RSPH3: variants seen among roughly 807,000 people sequenced by gnomAD.
RSPH3 encodes the protein radial spoke head protein 3 homolog.
Under a neutral mutation model 43.8 loss-of-function variants are expected in RSPH3, and 21 were observed. That is an observed-to-expected ratio of 0.48 (90% CI 0.34 to 0.69). RSPH3 has a LOEUF of 0.69. Among genes scored for constraint, RSPH3 ranks in the 30% least tolerant of loss-of-function variants. The pLI, the probability that RSPH3 is intolerant of heterozygous loss-of-function variation, is 0.01. For missense variants in RSPH3, 487 were observed against 516.0 expected (o/e 0.94, Z 0.54); for synonymous variants, 173 against 179.8 (o/e 0.96, Z 0.30).
chr6:158,993,275 A>G (rs559249326), intron 2 of RSPH3, among the ~76,000 whole-genome samples: 36 of 151,908 alleles, frequency 2.4e-4, no homozygotes, highest in Middle Eastern at 6.8e-3. Context: ...GCGCCACCAC[A>G]CCCAGCTAAT....
chr6:158,970,544 TTC>T (rs869082421), downstream of RSPH3, among the ~76,000 whole-genome samples: 6 of 149,996 alleles, frequency 4.0e-5, no homozygotes, highest in East Asian at 4.3e-4. Flanking sequence ...GTCAAAGCTT[TTC>T]TTTTTTTTTC....
At chr6:158,993,157 C>T (rs1022662871) in intron 2 of RSPH3, among the ~76,000 whole-genome samples, 9 of 151,754 alleles carry the variant, frequency 5.9e-5, no homozygotes, top group South Asian at 4.2e-4. Flanking sequence ...CTCACTCTGT[C>T]GCCAGACTGG....
rs748472929 is a variant in RSPH3, at chr6:158,980,856, T to C, written c.777A>G (p.Ala259=). Residue 259 remains alanine, a synonymous_variant, in exon 6 of 8, where the codon GCA becomes GCG. Transcript: ENST00000367069. ...TSQKIAARAF[A]QRYLADLLPS... ...GGAGAAGGTCAGCCAGGTAACGCTG[T>C]GCAAATGCTCGGGCGGCGATTTTTT... 10 of 1,614,074 alleles carry C rather than the reference T, an allele frequency of 6.2e-6. No individual in the cohort carries two copies. The highest frequency in any genetic ancestry group is 1.1e-5 in the South Asian group (1 of 91,094).
Position 158,995,598 on chromosome 6 carries a change from A to T in RSPH3, c.117-1672T>A, listed in dbSNP as rs977387242. Among the ~76,000 whole-genome samples, 9 of 151,132 alleles carry T rather than the reference A, an allele frequency of 6.0e-5. No homozygotes were observed. In the East Asian group the frequency reaches 1.6e-3, roughly 26 times the overall value. ...GTGCCTTCTTCTTTCACTTTATTTT[A>T]TTTTTATTTTTTTTGAGACAGAGTC... On this transcript the variant is annotated intron_variant, in intron 1 of 7. Coordinates refer to ENST00000367069, the MANE Select transcript of RSPH3 (RefSeq NM_031924.8).
At chr6:158,983,122 A>G (rs1288463396) in intron 4 of RSPH3, among the ~76,000 whole-genome samples, 1 of 152,196 alleles carries the variant, frequency 6.6e-6, no homozygotes, top group Non-Finnish European at 1.5e-5. Flanking sequence ...AATTTCAATG[A>G]CAGTTCTTTC....
the RSPH3 span, among the ~76,000 whole-genome samples, chr6:158,965,585 T>G: frequency 6.6e-6 from 1 of 152,138 alleles, no homozygotes; most frequent in Non-Finnish European, 1.5e-5. Flanking sequence ...CCTTTCAGAT[T>G]GTTCATTGCC....
chr6:158,968,393 C>A (rs191575435), downstream of RSPH3, among the ~76,000 whole-genome samples: 21 of 152,082 alleles, frequency 1.4e-4, no homozygotes, highest in East Asian at 3.5e-3. Flanking sequence ...TACCACCATA[C>A]CTGGCTAATT....
intron 3 of RSPH3, among the ~76,000 whole-genome samples, chr6:158,984,356 T>C (rs905797790): frequency 6.8e-6 from 1 of 146,560 alleles, no homozygotes; most frequent in Non-Finnish European, 1.5e-5. Context: ...AGCTTTGTAT[T>C]TGAAAATGGA....
chr6:158,966,434 C>T, the RSPH3 span, among the ~76,000 whole-genome samples: 323 of 152,196 alleles, frequency 2.1e-3, 3 homozygotes, highest in African/African-American at 5.2e-3. Context: ...TAGAATTCAT[C>T]GGTGAAGCTG....
chr6:158,995,249 C>T (rs1190334411), intron 1 of RSPH3, among the ~76,000 whole-genome samples: 1 of 152,214 alleles, frequency 6.6e-6, no homozygotes, highest in Non-Finnish European at 1.5e-5. Context: ...ACCTGGAAGG[C>T]AACCTCAGAA....
chr6:158,989,896 GA>G lies in RSPH3; in HGVS notation c.205-3476del, dbSNP rs1214527756. 6.6e-6 allele frequency among the ~76,000 whole-genome samples: 1 copy of G among 152,188 alleles called. No homozygotes were observed. The highest frequency in any genetic ancestry group is 1.5e-5 in the Non-Finnish European group (1 of 68,038). ...GTGTTGCCAAAAGAGACTATCATCT[GA>G]GTCAGTAGGCTGGGAAAGGCAGACC... On this transcript the variant is annotated intron_variant, in intron 2 of 7. Transcript: ENST00000367069. The surrounding 1 kb of genome is among the most constrained non-coding windows in gnomAD (Gnocchi z 4.3).
downstream of RSPH3, among the ~76,000 whole-genome samples, chr6:158,972,004 GA>G (rs1246463788): frequency 1.3e-5 from 2 of 151,524 alleles, no homozygotes; most frequent in Admixed American, 6.6e-5. Context: ...CTCATTGGGA[GA>G]AAAAAAACTT....
At chr6:158,963,917 T>C in the RSPH3 span, among the ~76,000 whole-genome samples, 1 of 152,130 alleles carries the variant, frequency 6.6e-6, no homozygotes, top group East Asian at 1.9e-4. Context: ...TAAAATGGAA[T>C]AAATAACAAT....
Position 158,999,798 on chromosome 6 carries a change from AGG to A in RSPH3, c.-250_-249del. 2 of 1,612,670 alleles carry A rather than the reference AGG, an allele frequency of 1.2e-6. No homozygotes were observed. Among genetic ancestry groups the A allele is most frequent in the Non-Finnish European group, 1.7e-6 (2 of 1,179,396 alleles). On this transcript the variant is annotated 5_prime_UTR_variant, in exon 1 of 8. It introduces an in-frame stop codon into an upstream open reading frame of the 5' UTR. Transcript: ENST00000367069. Reference sequence around the variant, plus strand: ...GGCCGCATCGGTTGCCCAGCAACCCAGGGTTCTGTCTGGGGGCGGGAACTCCG... The same window carrying A: ...GGCCGCATCGGTTGCCCAGCAACCCAGTTCTGTCTGGGGGCGGGAACTCCG...
chr6:158,982,974 T>C (rs1485765178), intron 4 of RSPH3, among the ~76,000 whole-genome samples: 1 of 152,200 alleles, frequency 6.6e-6, no homozygotes, highest in Non-Finnish European at 1.5e-5. Flanking sequence ...TTGCCTTTTC[T>C]GTTTGATTTT....
chr6:158,996,839 C>T (rs1778612173), intron 1 of RSPH3, among the ~76,000 whole-genome samples: 1 of 152,276 alleles, frequency 6.6e-6, no homozygotes, highest in East Asian at 1.9e-4. Flanking sequence ...TCCACTAAAA[C>T]TCACATGGAA....
Position 158,999,562 on chromosome 6 carries a change from G to A in RSPH3, c.-12C>T. On this transcript the variant is annotated 5_prime_UTR_variant, in exon 1 of 8. It introduces an in-frame stop codon into an upstream open reading frame of the 5' UTR. Transcript: ENST00000367069. Reference sequence around the variant, plus strand: ...AGCGCTGAGGCCATGTCCGGGGGCTGACTGCCTCGCTTTCGGTGGAGCTTG... The same window carrying A: ...AGCGCTGAGGCCATGTCCGGGGGCTAACTGCCTCGCTTTCGGTGGAGCTTG... The A allele has an allele frequency of 6.2e-7, 1 of 1,606,956 alleles. No individual in the cohort carries two copies. Among genetic ancestry groups the A allele is most frequent in the South Asian group, 1.1e-5 (1 of 90,558 alleles).
the RSPH3 span, among the ~76,000 whole-genome samples, chr6:158,963,291 C>T: frequency 3.3e-5 from 5 of 151,554 alleles, no homozygotes; most frequent in South Asian, 2.1e-4. Flanking sequence ...CATAATTTAT[C>T]TCCTTCCTCT....
At chr6:158,983,990 T>C (rs936707090) in intron 3 of RSPH3, among the ~76,000 whole-genome samples, 183 bp from the exon 4 acceptor site, 6 of 151,820 alleles carry the variant, frequency 4.0e-5, no homozygotes, top group African/African-American at 9.7e-5. Flanking sequence ...AAAAATTAGC[T>C]GGGCGTGGTG....
Sources: allele counts gnomAD v4.1 joint callset (sites outside exome capture counted in the v4.1 genomes callset), GRCh38; gene constraint gnomAD v4.1.1; non-coding constraint Gnocchi (gnomAD v3.1); transcripts MANE v1.5; gene names NCBI Gene and HGNC (gene_info 2026-07-23, HGNC 2026-07-21).